YJU2: variants seen among roughly 807,000 people sequenced by gnomAD.
YJU2 encodes splicing factor YJU2.
In YJU2, 28 loss-of-function variants were observed where a neutral mutation model predicts 39.6. The ratio of observed to expected loss-of-function variants is 0.71; its 90% confidence interval spans 0.52 to 0.97. The LOEUF (loss-of-function observed/expected upper bound fraction) is 0.97, where lower values mean the gene tolerates loss of function less well. YJU2 is among the 50% of genes least tolerant of loss of function. The probability of loss-of-function intolerance (pLI) is 0.00; values close to 1 mark genes in which losing one functional copy is unlikely to be tolerated. For missense variants in YJU2, 328 were observed against 430.4 expected (o/e 0.76, Z 2.11); for synonymous variants, 184 against 182.4 (o/e 1.01, Z -0.07).
At chr19:4,262,356 G>A (rs532596592) in intron 6 of YJU2, among the ~76,000 whole-genome samples, 2 of 152,180 alleles carry the variant, frequency 1.3e-5, no homozygotes, top group Non-Finnish European at 1.5e-5. Flanking sequence ...GCGCCACCAA[G>A]CCCAGCTAAT....
chr19:4,258,223 G>A lies in YJU2; in HGVS notation c.406-19G>A, dbSNP rs375983836. On this transcript the variant is annotated intron_variant, in intron 4 of 7. Transcript: ENST00000262962. Reference sequence around the variant, plus strand: ...GTGCGATCCCCATGCACTCAGCCCCGCCGCCCCGCGCCCGCCAGGTGCTGG... The same window carrying A: ...GTGCGATCCCCATGCACTCAGCCCCACCGCCCCGCGCCCGCCAGGTGCTGG... The A allele has an allele frequency of 2.6e-4, 400 of 1,549,684 alleles. No homozygotes were observed. The highest frequency in any genetic ancestry group is 2.7e-4 in the Non-Finnish European group (314 of 1,146,260).
intron 4 of YJU2, 40 bp from the exon 5 acceptor site, chr19:4,258,202 G>C: frequency 2.6e-6 from 4 of 1,543,582 alleles, no homozygotes; most frequent in Non-Finnish European, 3.5e-6. Context: ...CCCGTGGTGC[G>C]ATCCCCATGC....
intron 6 of YJU2, among the ~76,000 whole-genome samples, chr19:4,264,925 A>T (rs940846063): frequency 2.0e-5 from 3 of 152,026 alleles, no homozygotes; most frequent in Admixed American, 6.6e-5. Flanking sequence ...GCCCCAAGAC[A>T]TTTTTCTAAA....
chr19:4,259,071 C>CTT lies in YJU2; in HGVS notation c.587+676_587+677dup, dbSNP rs34728075. 5.8e-3 allele frequency among the ~76,000 whole-genome samples: 523 copies of CTT among 90,322 alleles called. 57 individuals carry two copies. The highest frequency in any genetic ancestry group is 0.016 in the African/African-American group (309 of 19,408). 59.3% of individuals were successfully genotyped at this position (90,322 alleles called of 152,430 possible). ...TCAGGCCTCCTGGGTGAACACTTTT[C>CTT]TTTTTTTTTTTTTTTTTTTTTTTTT... On this transcript the variant is annotated intron_variant, in intron 5 of 7. Coordinates refer to ENST00000262962, the MANE Select transcript of YJU2 (RefSeq NM_018074.6).
At position 4,247,645 on chromosome 19, in the gene YJU2, GTGTGTGTGTGTGTGTGT is replaced by G. The variant is rs1970939705; in HGVS notation, c.24+476_24+492del. On this transcript the variant is annotated intron_variant, in intron 1 of 7. Coordinates refer to ENST00000262962, the MANE Select transcript of YJU2 (RefSeq NM_018074.6). ...TGTGTGTGTGTGTGTGTGTGTGTGTGTGTGTGTGTGTGTGTGTGTGTGTGTGTGTGTGTGTGTGTGTG... is the reference window on the plus strand; with the variant it reads ...TGTGTGTGTGTGTGTGTGTGTGTGTGGTGTGTGTGTGTGTGTGTGTGTGTG... Among the ~76,000 whole-genome samples the G allele has an allele frequency of 1.9e-3, 131 of 67,676 alleles. 19 individuals carry two copies. Among genetic ancestry groups the G allele is most frequent in the South Asian group, 4.9e-3 (7 of 1,418 alleles). 44.4% of individuals were successfully genotyped at this position (67,676 alleles called of 152,430 possible). A position where few individuals can be genotyped will look rare whatever the true frequency, so the allele number is the denominator to read the frequency against.
intron 3 of YJU2, among the ~76,000 whole-genome samples, chr19:4,252,002 A>C (rs1390974653): frequency 6.6e-6 from 1 of 151,892 alleles, no homozygotes; most frequent in African/African-American, 2.4e-5. Flanking sequence ...GAAAAAAAAA[A>C]GTAGCGTGCA....
At chr19:4,263,250 T>A (rs1215371521) in intron 6 of YJU2, among the ~76,000 whole-genome samples, 1 of 152,126 alleles carries the variant, frequency 6.6e-6, no homozygotes, top group Non-Finnish European at 1.5e-5. Flanking sequence ...GCAGCTCTGC[T>A]CCTTGGAACC....
chr19:4,247,633 GTGTGTGTGTGTGTGT>G lies in YJU2; in HGVS notation c.24+464_24+478del, dbSNP rs1970938396. Among the ~76,000 whole-genome samples the G allele has an allele frequency of 2.8e-4, 18 of 64,318 alleles. 2 individuals carry two copies. Among genetic ancestry groups the G allele is most frequent in the East Asian group, 9.9e-4 (2 of 2,016 alleles). 42.2% of individuals were successfully genotyped at this position (64,318 alleles called of 152,430 possible). A position where few individuals can be genotyped will look rare whatever the true frequency, so the allele number is the denominator to read the frequency against. ...TGTGTGTGTGTGTGTGTGTGTGTGTGTGTGTGTGTGTGTGTGTGTGTGTGTGTGTGTGTGTGTGTG... is the reference window on the plus strand; with the variant it reads ...TGTGTGTGTGTGTGTGTGTGTGTGTGGTGTGTGTGTGTGTGTGTGTGTGTG... On this transcript the variant is annotated intron_variant, in intron 1 of 7. Transcript: ENST00000262962.
At chr19:4,261,069 C>T (rs2144696716) in intron 5 of YJU2, among the ~76,000 whole-genome samples, 1 of 150,652 alleles carries the variant, frequency 6.6e-6, no homozygotes, top group Middle Eastern at 3.5e-3. Context: ...TTTTAAAATC[C>T]TTTTTGCAGA....
At chr19:4,267,902 A>G in intron 7 of YJU2, 128 bp downstream of exon 7, 1 of 728,534 alleles carries the variant, frequency 1.4e-6, no homozygotes, top group South Asian at 2.0e-5. Flanking sequence ...CACAGGACCA[A>G]TTAGTGGAGT....
At chr19:4,264,573 G>A (rs1299764625) in intron 6 of YJU2, among the ~76,000 whole-genome samples, 2 of 150,740 alleles carry the variant, frequency 1.3e-5, no homozygotes, top group Non-Finnish European at 3.0e-5. Context: ...TGCAACCTTC[G>A]CCCCCCGGGT....
chr19:4,251,816 G>A (rs572457171), intron 3 of YJU2, among the ~76,000 whole-genome samples: 113 of 150,614 alleles, frequency 7.5e-4, no homozygotes, highest in Admixed American at 1.4e-3. Flanking sequence ...GTGAAACCCC[G>A]TCTCTACTAA....
At chr19:4,267,431 G>T (rs982557502) in intron 6 of YJU2, among the ~76,000 whole-genome samples, 193 bp from the exon 7 acceptor site, 1 of 152,224 alleles carries the variant, frequency 6.6e-6, no homozygotes, top group African/African-American at 2.4e-5. Flanking sequence ...ATGTGGGATG[G>T]AGAATGGGCA....
intron 3 of YJU2, among the ~76,000 whole-genome samples, chr19:4,251,791 A>G (rs1001187159): frequency 1.3e-5 from 2 of 151,864 alleles, no homozygotes; most frequent in South Asian, 4.2e-4. Context: ...GTTTGAGACC[A>G]GCCTGGCCAA....
intron 3 of YJU2, among the ~76,000 whole-genome samples, chr19:4,253,828 T>C (rs1322685057): frequency 3.6e-5 from 2 of 56,236 alleles, no homozygotes; most frequent in African/African-American, 3.4e-4. Context: ...CCTTGGAGAT[T>C]TTTTTTTTTT....
intron 5 of YJU2, among the ~76,000 whole-genome samples, chr19:4,259,074 T>TC: frequency 9.2e-6 from 1 of 109,140 alleles, no homozygotes; most frequent in African/African-American, 4.8e-5. Context: ...CACTTTTCTT[T>TC]TTTTTTTTTT....
chr19:4,256,008 A>G (rs918367001), intron 4 of YJU2, among the ~76,000 whole-genome samples: 2 of 151,376 alleles, frequency 1.3e-5, no homozygotes, highest in Non-Finnish European at 2.9e-5. Context: ...ACTCTGTCTC[A>G]ACAACAACAA....
chr19:4,253,112 C>T (rs959446226), intron 3 of YJU2, among the ~76,000 whole-genome samples: 8 of 151,678 alleles, frequency 5.3e-5, no homozygotes, highest in Middle Eastern at 3.4e-3. Context: ...TTACTCCCAG[C>T]GCTTTGAGAA....
chr19:4,248,914 C>T (rs1464170114), intron 1 of YJU2, among the ~76,000 whole-genome samples: 4 of 152,116 alleles, frequency 2.6e-5, no homozygotes, highest in African/African-American at 9.7e-5. Context: ...AGCAAAACTC[C>T]GTCTCAGAAC....
Sources: allele counts gnomAD v4.1 joint callset (sites outside exome capture counted in the v4.1 genomes callset), GRCh38; gene constraint gnomAD v4.1.1; transcripts MANE v1.5; gene names NCBI Gene and HGNC (gene_info 2026-07-23, HGNC 2026-07-21).